ZNF491: variants seen among roughly 807,000 people sequenced by gnomAD.
The protein encoded by ZNF491 is zinc finger protein 491.
A neutral mutation model predicts 34.7 loss-of-function variants in ZNF491; 22 were observed. The ratio of observed to expected loss-of-function variants is 0.63; its 90% CI spans 0.45 to 0.90. The LOEUF (loss-of-function observed/expected upper bound fraction) is 0.90, where lower values mean the gene tolerates loss of function less well. ZNF491 is among the 40% of genes least tolerant of loss of function. The pLI is 0.00. For missense variants in ZNF491, 559 were observed against 531.7 expected (o/e 1.05, Z -0.51); for synonymous variants, 148 against 174.3 (o/e 0.85, Z 1.19).
chr19:11,806,097 A>C lies in ZNF491; in HGVS notation c.144A>C (p.Gly48=). The change falls in exon 3 of 3, where the codon GGA becomes GGC. Residue 48 remains glycine (G), a synonymous_variant. Transcript: ENST00000323169. ...ESGTCGEIFM[G]YSSFNRNIRT... ...GTACATGTGGAGAAATCTTCATGGG[A>C]TATTCATCCTTTAATAGGAACATCA... The C allele has an allele frequency of 6.2e-7, 1 of 1,613,950 alleles. No individual in the cohort carries two copies. The highest frequency in any genetic ancestry group is 1.1e-5 in the South Asian group (1 of 91,056).
chr19:11,807,146 T>C lies in ZNF491; in HGVS notation c.1193T>C (p.Ile398Thr). The C allele has an allele frequency of 6.2e-7, 1 of 1,611,598 alleles. No homozygotes were observed. The highest frequency in any genetic ancestry group is 8.5e-7 in the Non-Finnish European group (1 of 1,179,118). ...AAAGCCTTCACTTGTTCCATATATA[T>C]TAGAATACATGAAAGAATTCACACT... ...CGKAFTCSIY[I>T]RIHERIHTGE... is the part of the protein sequence containing the mutation. Residue 398 changes from isoleucine to threonine, a missense_variant, in exon 3 of 3, where the codon ATT becomes ACT. Ile to Thr is a moderately conservative substitution (Grantham distance 89). Coordinates refer to ENST00000323169, the MANE Select transcript of ZNF491 (RefSeq NM_152356.4).
In ZNF491 at chr19:11,806,655, A is replaced by G. The variant is rs1975617929; in HGVS notation, c.702A>G (p.Glu234=). Residue 234 remains glutamate, a synonymous_variant, in exon 3 of 3, where the codon GAA becomes GAG. Transcript: ENST00000323169. ...FNCPSSFHRH[E]RTHTGEKPYE... Reference sequence around the variant, plus strand: ...GTCCCAGTTCTTTTCACAGGCATGAAAGGACTCACACAGGAGAAAAACCCT... The same window carrying G: ...GTCCCAGTTCTTTTCACAGGCATGAGAGGACTCACACAGGAGAAAAACCCT... 6.2e-7 allele frequency: 1 copy of G among 1,613,750 alleles called. No individual in the cohort carries two copies. Among genetic ancestry groups the G allele is most frequent in the South Asian group, 1.1e-5 (1 of 91,030 alleles).
chr19:11,804,510 C>T, intron 1 of ZNF491, 32 bp from the exon 2 acceptor site: 4 of 1,507,232 alleles, frequency 2.7e-6, no homozygotes, highest in East Asian at 2.6e-5. Context: ...TCACTCTCAC[C>T]CATCCTCCTC....
chr19:11,799,895 G>A (rs1223459769), intron 1 of ZNF491, among the ~76,000 whole-genome samples: 5 of 151,844 alleles, frequency 3.3e-5, no homozygotes. Flanking sequence ...TGGTGCCACT[G>A]CACTCCAGCC....
chr19:11,803,162 T>C (rs1055671736), intron 1 of ZNF491, among the ~76,000 whole-genome samples: 74 of 152,054 alleles, frequency 4.9e-4, no homozygotes, highest in Admixed American at 3.3e-4. Flanking sequence ...TTTGTATTTT[T>C]AGTAGAGATG....
At chr19:11,801,141 C>G (rs193049347) in intron 1 of ZNF491, among the ~76,000 whole-genome samples, 1 of 152,090 alleles carries the variant, frequency 6.6e-6, no homozygotes, top group East Asian at 1.9e-4. Context: ...AAGTTTAAGA[C>G]CAGCTCAGCA....
rs1975604827 is a variant in ZNF491, at chr19:11,805,936, A to G, written c.-7-11A>G. ...ACAGACCCTTAATTATGTGCTTGGC[A>G]TTTTTCACAGAAATTTTATGGGAGA... is the stretch of plus-strand genomic sequence containing the variant. On this transcript the variant is annotated splice_polypyrimidine_tract_variant and intron_variant, in intron 2 of 2. Transcript: ENST00000323169. 1 of 1,540,634 alleles carries G rather than the reference A, an allele frequency of 6.5e-7. No homozygotes were observed. Among genetic ancestry groups the G allele is most frequent in the African/African-American group, 1.4e-5 (1 of 72,180 alleles).
rs760908552 is a variant in ZNF491, at chr19:11,806,817, G to C, written c.864G>C (p.Arg288Ser). Residue 288 changes from arginine (R) to serine (S), a missense_variant, in exon 3 of 3, where the codon AGG becomes AGC. Coordinates refer to ENST00000323169, the MANE Select transcript of ZNF491 (RefSeq NM_152356.4). ...KAFYSPSSFQ[R>S]HERSHTGEKP... ...TTTACTCTCCCAGTTCATTTCAAAG[G>C]CATGAAAGAAGTCACACTGGAGAGA... 6.8e-6 allele frequency: 11 copies of C among 1,608,150 alleles called. No homozygotes were observed. Among genetic ancestry groups the C allele is most frequent in the Non-Finnish European group, 9.3e-6 (11 of 1,177,718 alleles).
chr19:11,805,313 G>A (rs1326613960), intron 2 of ZNF491, among the ~76,000 whole-genome samples: 3 of 150,688 alleles, frequency 2.0e-5, no homozygotes, highest in Non-Finnish European at 4.4e-5. Context: ...GGAGGTTGAG[G>A]CAGAAGAGTC....
chr19:11,804,630 T>A lies in ZNF491; in HGVS notation c.-45T>A. 6.8e-7 allele frequency: 1 copy of A among 1,478,398 alleles called. No homozygotes were observed. Among genetic ancestry groups the A allele is most frequent in the East Asian group, 2.7e-5 (1 of 37,188 alleles). The allele number at this position is 1,478,398 out of a possible 1,614,324, so 91.6% of individuals were successfully genotyped here. On this transcript the variant is annotated 5_prime_UTR_variant, in exon 2 of 3. It removes an upstream start codon present in the reference 5' UTR. Coordinates refer to ENST00000323169, the MANE Select transcript of ZNF491 (RefSeq NM_152356.4). ...CCTTTCCAGAAGATCTCTACAGAGA[T>A]GTGATGCAGGAAACCTTCACGAACC...
At position 11,807,214 on chromosome 19, in the gene ZNF491, A is replaced by G; in HGVS notation, c.1261A>G (p.Ile421Val). ...YQCKECGKAFIRSSYCRKHER... is the reference protein window; with the variant it reads ...YQCKECGKAFVRSSYCRKHER... ...ATGTAAGGAATGTGGGAAAGCCTTCATTCGTTCCAGTTACTGTCGAAAACA... is the reference window on the plus strand; with the variant it reads ...ATGTAAGGAATGTGGGAAAGCCTTCGTTCGTTCCAGTTACTGTCGAAAACA... Residue 421 changes from isoleucine to valine, a missense_variant, in exon 3 of 3, where the codon ATT (isoleucine) becomes GTT (valine). Ile to Val is a conservative substitution (Grantham distance 29). Coordinates refer to ENST00000323169, the MANE Select transcript of ZNF491 (RefSeq NM_152356.4). 1 of 1,580,008 alleles carries G rather than the reference A, an allele frequency of 6.3e-7. No homozygotes were observed. The highest frequency in any genetic ancestry group is 8.6e-7 in the Non-Finnish European group (1 of 1,166,904).
Position 11,806,194 on chromosome 19 carries a change from A to G in ZNF491, c.241A>G (p.Arg81Gly). The part of the protein sequence containing the change: ...LEKPYKHKQR[R>G]KALSHSHCFR... Reference sequence around the variant, plus strand: ...GAAGCCATATAAACATAAACAACGTAGGAAAGCCTTGAGCCATAGCCACTG... The same window carrying G: ...GAAGCCATATAAACATAAACAACGTGGGAAAGCCTTGAGCCATAGCCACTG... The change falls in exon 3 of 3, where the codon AGG (arginine) becomes GGG (glycine). Residue 81 changes from arginine to glycine, a missense_variant. Coordinates refer to ENST00000323169, the MANE Select transcript of ZNF491 (RefSeq NM_152356.4). The G allele has an allele frequency of 6.2e-7, 1 of 1,614,100 alleles. No individual in the cohort carries two copies. The highest frequency in any genetic ancestry group is 8.5e-7 in the Non-Finnish European group (1 of 1,180,026).
At chr19:11,802,489 G>C (rs1975567985) in intron 1 of ZNF491, among the ~76,000 whole-genome samples, 1 of 152,130 alleles carries the variant, frequency 6.6e-6, no homozygotes, top group African/African-American at 2.4e-5. Context: ...TTGCACAAAA[G>C]TTCTTAATTT....
In ZNF491 at chr19:11,798,793, C is replaced by A. The variant is rs286235; in HGVS notation, c.-134+66C>A. The A allele has an allele frequency of 0.17, 26,285 of 152,322 alleles. 3,046 individuals carry two copies. Among genetic ancestry groups the A allele is most frequent in the African/African-American group, 0.33 (13,548 of 41,526 alleles). The allele number at this position is 152,322 out of a possible 1,614,324, so 9.4% of individuals were successfully genotyped here. A position where few individuals can be genotyped will look rare whatever the true frequency, so the allele number is the denominator to read the frequency against. ...GCTGGGTGGAACCAACAGGATCCTGCTGTGGCGGGACCCAGGCCTCCGCTC... is the reference window on the plus strand; with the variant it reads ...GCTGGGTGGAACCAACAGGATCCTGATGTGGCGGGACCCAGGCCTCCGCTC... On this transcript the variant is annotated intron_variant, in intron 1 of 2. Coordinates refer to ENST00000323169, the MANE Select transcript of ZNF491 (RefSeq NM_152356.4). The surrounding 1 kb of genome is among the most constrained non-coding windows in gnomAD (Gnocchi z 4.0).
chr19:11,805,724 G>A (rs1454947713), intron 2 of ZNF491, among the ~76,000 whole-genome samples: 1 of 152,140 alleles, frequency 6.6e-6, no homozygotes, highest in Non-Finnish European at 1.5e-5. Context: ...GCACACACCT[G>A]TAGTCCAACT....
chr19:11,801,923 C>T (rs1975562999), intron 1 of ZNF491, among the ~76,000 whole-genome samples: 3 of 152,074 alleles, frequency 2.0e-5, no homozygotes, highest in Admixed American at 2.0e-4. Flanking sequence ...TCCATTCATC[C>T]ATTGATTGGC....
At chr19:11,801,205 A>C (rs1476793300) in intron 1 of ZNF491, among the ~76,000 whole-genome samples, 2 of 152,144 alleles carry the variant, frequency 1.3e-5, no homozygotes, top group Non-Finnish European at 2.9e-5. Context: ...TAAAAAGAAA[A>C]AAATTATATT....
At chr19:11,804,206 C>CAAAAAAAAAA (rs71166629) in intron 1 of ZNF491, among the ~76,000 whole-genome samples, 1 of 69,438 alleles carries the variant, frequency 1.4e-5, no homozygotes. Context: ...CCATCTCAGA[C>CAAAAAAAAAA]AAAAAAAAAA....
chr19:11,805,354 A>T (rs1975597186), intron 2 of ZNF491, among the ~76,000 whole-genome samples: 1 of 145,380 alleles, frequency 6.9e-6, no homozygotes, highest in Non-Finnish European at 1.5e-5. Flanking sequence ...GGTTGCAGTG[A>T]GCTGAGATCA....
Sources: gnomAD v4.1 joint callset for allele counts (sites outside exome capture counted in the v4.1 genomes callset) on GRCh38, gnomAD v4.1.1 for gene constraint, Gnocchi (gnomAD v3.1) non-coding constraint, MANE v1.5 for transcripts, NCBI Gene and HGNC (gene_info 2026-07-23, HGNC 2026-07-21) for gene names.